Variants in DPYD observed in about 807,000 individuals in gnomAD.
DPYD encodes dihydropyrimidine dehydrogenase.
In DPYD, 109 loss-of-function variants were observed where a neutral mutation model predicts 116.2. That is an observed-to-expected ratio of 0.94 (90% confidence interval 0.80 to 1.10). DPYD has a LOEUF of 1.10. Ranked by LOEUF, DPYD falls within the 50% of genes least tolerant of loss-of-function variation. The pLI is 0.00. For missense variants in DPYD, 1,302 were observed against 1,254.5 expected (o/e 1.04, Z -0.57); for synonymous variants, 440 against 432.0 (o/e 1.02, Z -0.23).
chr1:97,168,583 T>C (rs1656490276), intron 20 of DPYD, among the ~76,000 whole-genome samples: 2 of 152,202 alleles, frequency 1.3e-5, no homozygotes, highest in Admixed American at 1.3e-4. Context: ...GTTATTCTCA[T>C]TGAATTTTCA....
At chr1:97,289,682 G>A (rs554073228) in intron 18 of DPYD, among the ~76,000 whole-genome samples, 1,792 of 152,236 alleles carry the variant, frequency 0.012, 46 homozygotes, top group African/African-American at 0.041. Context: ...TTGATGGGAC[G>A]TATCTCAAAA....
At chr1:97,121,451 T>C (rs899213826) in intron 20 of DPYD, among the ~76,000 whole-genome samples, 2 of 152,164 alleles carry the variant, frequency 1.3e-5, no homozygotes, top group South Asian at 2.1e-4. Context: ...TATGTAAGTA[T>C]ACTGCTGTTT....
At chr1:97,494,735 T>C (rs1330710422) in intron 13 of DPYD, among the ~76,000 whole-genome samples, 1 of 146,162 alleles carries the variant, frequency 6.8e-6, no homozygotes, top group African/African-American at 2.6e-5. Context: ...GAGTGAAAGT[T>C]TGTCTCAAAA....
chr1:97,228,221 T>C (rs543659200), intron 19 of DPYD, among the ~76,000 whole-genome samples: 66 of 152,092 alleles, frequency 4.3e-4, no homozygotes, highest in African/African-American at 1.5e-3. Flanking sequence ...TCTCAATACA[T>C]ATTTATTAAA....
intron 8 of DPYD, among the ~76,000 whole-genome samples, chr1:97,673,870 G>C (rs1660003506): frequency 1.3e-5 from 2 of 152,102 alleles, no homozygotes; most frequent in African/African-American, 4.8e-5. Flanking sequence ...GATAGCTCTA[G>C]GTCCATGTCC....
chr1:97,780,763 A>T (rs1666696477), intron 3 of DPYD, among the ~76,000 whole-genome samples: 1 of 152,202 alleles, frequency 6.6e-6, no homozygotes, highest in East Asian at 1.9e-4. Flanking sequence ...AAGAATTACT[A>T]TAAACTGTAT....
At chr1:97,811,350 G>A (rs1668342294) in intron 3 of DPYD, among the ~76,000 whole-genome samples, 1 of 151,972 alleles carries the variant, frequency 6.6e-6, no homozygotes, top group African/African-American at 2.4e-5. Flanking sequence ...CTTGTACTTT[G>A]TATATGTAAG....
chr1:97,684,042 C>T (rs1438019890), intron 7 of DPYD, among the ~76,000 whole-genome samples: 1 of 151,984 alleles, frequency 6.6e-6, no homozygotes, highest in African/African-American at 2.4e-5. Flanking sequence ...AAATAAGTTC[C>T]ACTCTGATCT....
At chr1:97,753,044 A>G (rs978884351) in intron 3 of DPYD, among the ~76,000 whole-genome samples, 19 of 152,292 alleles carry the variant, frequency 1.2e-4, no homozygotes, top group African/African-American at 4.3e-4. Context: ...TTTAAACATT[A>G]TATTTAATTT....
chr1:97,468,596 C>T (rs866682391), intron 13 of DPYD, among the ~76,000 whole-genome samples: 2 of 152,198 alleles, frequency 1.3e-5, no homozygotes, highest in East Asian at 3.8e-4. Context: ...GAATCTAACC[C>T]ATCTATGACA....
intron 20 of DPYD, among the ~76,000 whole-genome samples, chr1:97,101,469 C>CA (rs59063384): frequency 3.1e-3 from 280 of 90,828 alleles, no homozygotes; most frequent in Middle Eastern, 0.014. Context: ...TTTGATCTTG[C>CA]AAAAAAAAAA....
chr1:97,849,823 T>G (rs1437576543), intron 2 of DPYD, among the ~76,000 whole-genome samples: 1 of 152,222 alleles, frequency 6.6e-6, no homozygotes, highest in Non-Finnish European at 1.5e-5. Context: ...GAAACAATAC[T>G]GGCCAATATT....
chr1:97,610,604 C>T (rs547363604), intron 8 of DPYD, among the ~76,000 whole-genome samples: 11 of 151,914 alleles, frequency 7.2e-5, no homozygotes, highest in Non-Finnish European at 1.2e-4. Flanking sequence ...ACTGTGTACG[C>T]GATGGGTTAA....
intron 13 of DPYD, among the ~76,000 whole-genome samples, chr1:97,477,808 G>A (rs1199273029): frequency 6.6e-6 from 1 of 151,738 alleles, no homozygotes; most frequent in Admixed American, 6.6e-5. Context: ...TTTTAGTAGA[G>A]ACGGGGTTTC....
At chr1:97,620,942 A>T (rs1039347189) in intron 8 of DPYD, among the ~76,000 whole-genome samples, 52 of 152,300 alleles carry the variant, frequency 3.4e-4, no homozygotes, top group Admixed American at 2.1e-3. Flanking sequence ...GAAATAAAAA[A>T]GTTTAGCATT....
intron 8 of DPYD, among the ~76,000 whole-genome samples, chr1:97,667,769 T>C (rs537356513): frequency 6.6e-6 from 1 of 152,252 alleles, no homozygotes; most frequent in Non-Finnish European, 1.5e-5. Flanking sequence ...ATAACCTATG[T>C]TTGTGGGAGC....
At chr1:97,907,909 G>C (rs1673724420) in intron 1 of DPYD, among the ~76,000 whole-genome samples, 1 of 152,078 alleles carries the variant, frequency 6.6e-6, no homozygotes, top group Non-Finnish European at 1.5e-5. Context: ...TGTCAACCTT[G>C]TCATATTCCC....
At chr1:97,435,290 GTTACCTGT>G (rs1232321297) in intron 14 of DPYD, among the ~76,000 whole-genome samples, 2 of 146,248 alleles carry the variant, frequency 1.4e-5, no homozygotes, top group Admixed American at 1.4e-4. Context: ...ATAACTACTA[GTTACCTGT>G]ATTAGTATAT....
At chr1:97,116,994 C>CAAAA (rs397784957) in intron 20 of DPYD, among the ~76,000 whole-genome samples, 1 of 107,150 alleles carries the variant, frequency 9.3e-6, no homozygotes, top group Non-Finnish European at 2.0e-5. Flanking sequence ...ACTAAAAATA[C>CAAAA]AAAAAAAAAA....
Sources: allele counts gnomAD v4.1 joint callset (sites outside exome capture counted in the v4.1 genomes callset), GRCh38; gene constraint gnomAD v4.1.1; transcripts MANE v1.5; gene names NCBI Gene and HGNC (gene_info 2026-07-23, HGNC 2026-07-21).